Variants in GREM2 observed in about 807,000 individuals in gnomAD.
GREM2 encodes gremlin 2, DAN family BMP antagonist, also known as gremlin-2.
GREM2 carries 11 observed loss-of-function variants against 14.2 expected under a neutral mutation model. The ratio of observed to expected loss-of-function variants is 0.78; its 90% CI spans 0.49 to 1.28. The LOEUF is 1.28. Ranked by LOEUF, GREM2 falls within the 50% of genes most tolerant of loss-of-function variation. The probability of loss-of-function intolerance (pLI) is 0.00; values close to 1 mark genes in which losing one functional copy is unlikely to be tolerated. For missense variants in GREM2, 210 were observed against 218.5 expected (o/e 0.96, Z 0.24); for synonymous variants, 98 against 97.6 (o/e 1.00, Z -0.02).
chr1:240,556,036 G>A (rs1678948231), intron 1 of GREM2, among the ~76,000 whole-genome samples: 1 of 152,086 alleles, frequency 6.6e-6, no homozygotes, highest in Non-Finnish European at 1.5e-5. Flanking sequence ...CTAATAATGT[G>A]TACTCAATAA....
chr1:240,492,857 AG>A lies in GREM2; in HGVS notation c.*111del. ...GCCCTAAGAGAAGTGCTTGCTGCTG[AG>A]GGGGAACACCAGGCAGCGTGACAGT... On this transcript the variant is annotated 3_prime_UTR_variant, in exon 2 of 2. Coordinates refer to ENST00000318160, the MANE Select transcript of GREM2 (RefSeq NM_022469.4). The A allele has an allele frequency of 2.8e-6, 3 of 1,078,684 alleles. No individual in the cohort carries two copies. The highest frequency in any genetic ancestry group is 2.4e-6 in the Non-Finnish European group (2 of 832,200). 66.8% of individuals were successfully genotyped at this position (1,078,684 alleles called of 1,614,324 possible).
At chr1:240,523,849 G>A (rs1233803775) in intron 1 of GREM2, among the ~76,000 whole-genome samples, 2 of 152,142 alleles carry the variant, frequency 1.3e-5, no homozygotes, top group East Asian at 3.8e-4. Flanking sequence ...CTTCCTTAGA[G>A]GCCATGGCAG....
intron 1 of GREM2, among the ~76,000 whole-genome samples, chr1:240,567,268 A>C (rs1375066807): frequency 1.3e-5 from 2 of 152,198 alleles, no homozygotes; most frequent in Non-Finnish European, 2.9e-5. Flanking sequence ...GAAGAAGAAT[A>C]ATTGAAAAAA....
At chr1:240,591,059 C>T (rs67033442) in intron 1 of GREM2, among the ~76,000 whole-genome samples, 77,010 of 151,860 alleles carry the variant, frequency 0.51, 21,293 homozygotes, top group African/African-American at 0.74. Flanking sequence ...GGATTACAGG[C>T]GTGAGCCACC....
At position 240,532,658 on chromosome 1, in the gene GREM2, T is replaced by C. The variant is rs945164694; in HGVS notation, c.-1-39182A>G. 1.4e-3 allele frequency among the ~76,000 whole-genome samples: 191 copies of C among 133,510 alleles called. 1 individual carries two copies. Among genetic ancestry groups the C allele is most frequent in the Non-Finnish European group, 2.3e-3 (155 of 67,590 alleles). 87.6% of individuals were successfully genotyped at this position (133,510 alleles called of 152,430 possible). On this transcript the variant is annotated intron_variant, in intron 1 of 1. Coordinates refer to ENST00000318160, the MANE Select transcript of GREM2 (RefSeq NM_022469.4). Reference sequence around the variant, plus strand: ...AGATATATATAGATAGATAGATAGATAGATAGATAGATAGATAGATAGATA... The same window carrying C: ...AGATATATATAGATAGATAGATAGACAGATAGATAGATAGATAGATAGATA...
intron 1 of GREM2, among the ~76,000 whole-genome samples, chr1:240,596,069 A>G (rs1679813937): frequency 3.3e-5 from 5 of 152,236 alleles, no homozygotes; most frequent in Admixed American, 2.0e-4. Context: ...TTATTATAGT[A>G]GAATACTCCA....
At chr1:240,504,917 T>TAA (rs1677646692) in intron 1 of GREM2, among the ~76,000 whole-genome samples, 1 of 152,186 alleles carries the variant, frequency 6.6e-6, no homozygotes, top group South Asian at 2.1e-4. Context: ...GTTATATATA[T>TAA]AATAGATGAT....
intron 1 of GREM2, among the ~76,000 whole-genome samples, chr1:240,512,168 A>G (rs948028485): frequency 4.6e-5 from 7 of 152,312 alleles, no homozygotes. Flanking sequence ...ACAAAGGAAA[A>G]TTATTTGAGG....
At chr1:240,591,706 A>G (rs1679719698) in intron 1 of GREM2, among the ~76,000 whole-genome samples, 1 of 152,196 alleles carries the variant, frequency 6.6e-6, no homozygotes, top group Non-Finnish European at 1.5e-5. Context: ...AGACCTGGTC[A>G]TAAGTCACGA....
intron 1 of GREM2, among the ~76,000 whole-genome samples, chr1:240,533,947 A>C (rs1678416874): frequency 6.6e-6 from 1 of 152,138 alleles, no homozygotes; most frequent in South Asian, 2.1e-4. Context: ...ACTACTATTA[A>C]ATATGTAAGG....
chr1:240,585,515 A>T (rs139312953), intron 1 of GREM2, among the ~76,000 whole-genome samples: 1 of 152,142 alleles, frequency 6.6e-6, no homozygotes, highest in Non-Finnish European at 1.5e-5. Flanking sequence ...GGATCACTTG[A>T]GGTCTGGAGT....
intron 1 of GREM2, among the ~76,000 whole-genome samples, chr1:240,551,900 C>A (rs900952763): frequency 1.3e-5 from 2 of 152,122 alleles, no homozygotes; most frequent in Non-Finnish European, 1.5e-5. Context: ...ATTATGCCAA[C>A]CTTCCTTACA....
intron 1 of GREM2, among the ~76,000 whole-genome samples, chr1:240,496,486 C>T (rs1677421000): frequency 6.6e-6 from 1 of 152,196 alleles, no homozygotes; most frequent in South Asian, 2.1e-4. Flanking sequence ...GTAGCGAAGG[C>T]TTAGAGTTAC....
intron 1 of GREM2, among the ~76,000 whole-genome samples, chr1:240,538,579 A>G (rs1272936323): frequency 6.6e-6 from 1 of 151,958 alleles, no homozygotes; most frequent in Non-Finnish European, 1.5e-5. Context: ...TTAACCAGGC[A>G]TGGTGGTGTG....
intron 1 of GREM2, among the ~76,000 whole-genome samples, chr1:240,585,264 CCT>C (rs1679571694): frequency 6.6e-6 from 1 of 152,062 alleles, no homozygotes; most frequent in Non-Finnish European, 1.5e-5. Flanking sequence ...GGAGACACCC[CCT>C]CTTAGGACCT....
At chr1:240,535,126 A>G (rs913300124) in intron 1 of GREM2, among the ~76,000 whole-genome samples, 1 of 152,188 alleles carries the variant, frequency 6.6e-6, no homozygotes, top group African/African-American at 2.4e-5. Context: ...ATAATTATAA[A>G]GACAATAATA....
At chr1:240,520,727 G>T (rs1033543704) in intron 1 of GREM2, among the ~76,000 whole-genome samples, 1 of 151,862 alleles carries the variant, frequency 6.6e-6, no homozygotes, top group Non-Finnish European at 1.5e-5. Context: ...ATTTTTAGTA[G>T]AGACGAGATT....
Position 240,554,231 on chromosome 1 carries a change from T to C in GREM2, c.-2+57653A>G, listed in dbSNP as rs139870497. 4.2e-3 allele frequency among the ~76,000 whole-genome samples: 631 copies of C among 152,044 alleles called. 3 individuals carry two copies. Among genetic ancestry groups the C allele is most frequent in the African/African-American group, 0.015 (605 of 41,452 alleles). Reference sequence around the variant, plus strand: ...TTAGAGACCAGCCTGGCCAACATGGTGAAGCCCCATCTCTACTAAAAATAC... The same window carrying C: ...TTAGAGACCAGCCTGGCCAACATGGCGAAGCCCCATCTCTACTAAAAATAC... On this transcript the variant is annotated intron_variant, in intron 1 of 1. Transcript: ENST00000318160.
rs548425448 is a variant in GREM2 at position 240,594,629 on chromosome 1, T to A, written c.-2+17255A>T. Among the ~76,000 whole-genome samples the A allele has an allele frequency of 2.2e-4, 33 of 152,190 alleles. No individual in the cohort carries two copies. In the East Asian group the frequency reaches 5.8e-3, roughly 27 times the overall value. ...TATATGTTCTTTGGCATAGATCTTC[T>A]TATAAATAGTATCTTCAGGGGATAC... On this transcript the variant is annotated intron_variant, in intron 1 of 1. Transcript: ENST00000318160.
Sources: gnomAD v4.1 joint callset for allele counts (sites outside exome capture counted in the v4.1 genomes callset) on GRCh38, gnomAD v4.1.1 for gene constraint, MANE v1.5 for transcripts, NCBI Gene and HGNC (gene_info 2026-07-23, HGNC 2026-07-21) for gene names.